Variants in CTNNA3 observed in about 807,000 individuals in gnomAD.
CTNNA3 encodes the protein catenin alpha-3.
A neutral mutation model predicts 95.7 loss-of-function variants in CTNNA3; 76 were observed. That is an observed-to-expected ratio of 0.79 (90% CI 0.66 to 0.96). CTNNA3 has a LOEUF of 0.96. CTNNA3 is among the 40% of genes least tolerant of loss of function. The pLI is 0.00. For missense variants in CTNNA3, 1,191 were observed against 1,089.8 expected, an observed-to-expected ratio of 1.09 and a Z score of -1.31; for synonymous variants, 431 against 374.4, an observed-to-expected ratio of 1.15 and a Z score of -1.74.
At chr10:67,266,489 T>A (rs1336342909) in intron 5 of CTNNA3, among the ~76,000 whole-genome samples, 2 of 152,106 alleles carry the variant, frequency 1.3e-5, no homozygotes, top group Non-Finnish European at 2.9e-5. Flanking sequence ...TAGATAGCAG[T>A]TAGAATATTG....
At chr10:67,571,301 G>C (rs1345291088) in intron 3 of CTNNA3, among the ~76,000 whole-genome samples, 1 of 152,070 alleles carries the variant, frequency 6.6e-6, no homozygotes, top group Non-Finnish European at 1.5e-5. Flanking sequence ...TTTGTTGACT[G>C]TTTGATAATT....
At chr10:66,333,091 T>C (rs1564875012) in intron 12 of CTNNA3, among the ~76,000 whole-genome samples, 1 of 152,104 alleles carries the variant, frequency 6.6e-6, no homozygotes, top group Non-Finnish European at 1.5e-5. Flanking sequence ...TATCATTTTT[T>C]ATTGAATCTA....
At chr10:67,177,222 G>A (rs1245229515) in intron 7 of CTNNA3, among the ~76,000 whole-genome samples, 1 of 152,130 alleles carries the variant, frequency 6.6e-6, no homozygotes, top group Admixed American at 6.5e-5. Context: ...ACAAGACATT[G>A]AACTTATTGA....
chr10:66,934,003 T>C lies in CTNNA3; in HGVS notation c.1048-158479A>G, dbSNP rs61276388. 3.4e-3 allele frequency among the ~76,000 whole-genome samples: 522 copies of C among 152,174 alleles called. 4 individuals carry two copies. The highest frequency in any genetic ancestry group is 0.012 in the African/African-American group (498 of 41,522). ...TGAGTTTTCTGACATTTTAACTTCA[T>C]AGGGTCATGAATGGACGCTCTTGAG... On this transcript the variant is annotated intron_variant, in intron 7 of 17. Transcript: ENST00000433211.
At chr10:67,066,139 C>G (rs1055234815) in intron 7 of CTNNA3, among the ~76,000 whole-genome samples, 8 of 151,156 alleles carry the variant, frequency 5.3e-5, no homozygotes, top group African/African-American at 1.2e-4. Context: ...TTTCTCAATA[C>G]CATCACCAGT....
intron 13 of CTNNA3, among the ~76,000 whole-genome samples, chr10:66,252,575 C>T (rs2090601922): frequency 6.6e-6 from 1 of 152,146 alleles, no homozygotes; most frequent in Non-Finnish European, 1.5e-5. Flanking sequence ...CTATCATGTA[C>T]AGGTATGTGG....
At chr10:66,692,150 T>C (rs373857494) in intron 9 of CTNNA3, among the ~76,000 whole-genome samples, 281 of 150,056 alleles carry the variant, frequency 1.9e-3, no homozygotes, top group African/African-American at 6.4e-3. Flanking sequence ...AGGCTTCAGA[T>C]GATCAAACTA....
intron 13 of CTNNA3, among the ~76,000 whole-genome samples, chr10:66,164,964 G>A (rs1019775176): frequency 6.6e-6 from 1 of 151,950 alleles, no homozygotes; most frequent in Non-Finnish European, 1.5e-5. Flanking sequence ...AGAAAGAAAG[G>A]AAAAAGGGAA....
intron 9 of CTNNA3, among the ~76,000 whole-genome samples, chr10:66,687,708 T>G: frequency 1.0e-5 from 1 of 95,450 alleles, no homozygotes; most frequent in Admixed American, 8.8e-5. Flanking sequence ...TTCATATATA[T>G]ATATATATAT....
At chr10:66,151,949 T>A (rs1246136132) in intron 13 of CTNNA3, among the ~76,000 whole-genome samples, 1 of 151,962 alleles carries the variant, frequency 6.6e-6, no homozygotes, top group African/African-American at 2.4e-5. Context: ...GAAATAAAAT[T>A]TATGTGGCTA....
Position 67,560,707 on chromosome 10 carries a change from T to C in CTNNA3, c.293-21038A>G, listed in dbSNP as rs28859304. On this transcript the variant is annotated intron_variant, in intron 3 of 17. Coordinates refer to ENST00000433211, the MANE Select transcript of CTNNA3 (RefSeq NM_013266.4). ...TACAGACTGGCAAATTGGATAAAGA[T>C]TCAAGACCCATCAGTGTGCTGTATT... Among the ~76,000 whole-genome samples the C allele has an allele frequency of 0.024, 3,698 of 151,990 alleles. 303 individuals carry two copies. The East Asian group carries it at 0.29, about 12-fold the overall frequency.
At chr10:65,940,689 T>G (rs1262902217) in intron 17 of CTNNA3, among the ~76,000 whole-genome samples, 1 of 152,310 alleles carries the variant, frequency 6.6e-6, no homozygotes, top group Middle Eastern at 3.4e-3. Flanking sequence ...TTTTTTTTTC[T>G]GATTTAAAAA....
chr10:66,222,599 C>CGAAAGAAAGAAAGAAA (rs67153927), intron 13 of CTNNA3, among the ~76,000 whole-genome samples: 3,229 of 82,820 alleles, frequency 0.039, 50 homozygotes, highest in East Asian at 0.057. Context: ...AAAGAAAGAA[C>CGAAAGAAAGAAAGAAA]GAAAGAAAGA....
intron 7 of CTNNA3, among the ~76,000 whole-genome samples, chr10:67,125,854 C>T (rs569015128): frequency 6.6e-6 from 1 of 151,990 alleles, no homozygotes; most frequent in African/African-American, 2.4e-5. Context: ...ATATCACAAC[C>T]CTTGAAAAAA....
intron 5 of CTNNA3, among the ~76,000 whole-genome samples, chr10:67,227,382 T>G (rs897595307): frequency 6.6e-6 from 1 of 152,140 alleles, no homozygotes; most frequent in Non-Finnish European, 1.5e-5. Context: ...TGAGCCACCA[T>G]GCCTGGCCAA....
chr10:65,966,969 T>G (rs1211581969), intron 16 of CTNNA3, among the ~76,000 whole-genome samples: 1 of 152,138 alleles, frequency 6.6e-6, no homozygotes, highest in East Asian at 1.9e-4. Context: ...AAATAATTAT[T>G]TTTTTGAGAT....
chr10:67,412,115 C>T (rs1265498928), intron 5 of CTNNA3, among the ~76,000 whole-genome samples: 1 of 152,030 alleles, frequency 6.6e-6, no homozygotes, highest in South Asian at 2.1e-4. Flanking sequence ...GCACAAAGTA[C>T]ACTCCATTGA....
intron 11 of CTNNA3, among the ~76,000 whole-genome samples, chr10:66,453,962 A>T (rs2093480093): frequency 6.6e-6 from 1 of 152,178 alleles, no homozygotes; most frequent in Non-Finnish European, 1.5e-5. Context: ...TAAGCTAAGG[A>T]CCTAAAGATA....
intron 16 of CTNNA3, among the ~76,000 whole-genome samples, chr10:65,969,220 G>A (rs187778739): frequency 0.051 from 6,264 of 122,788 alleles, 186 homozygotes; most frequent in Non-Finnish European, 0.085. Context: ...AAAAATAGAT[G>A]GGAAAGGGAA....
Sources: gnomAD v4.1 joint callset for allele counts (sites outside exome capture counted in the v4.1 genomes callset) on GRCh38, gnomAD v4.1.1 for gene constraint, MANE v1.5 for transcripts, NCBI Gene and HGNC (gene_info 2026-07-23, HGNC 2026-07-21) for gene names.